The following ZC3H12B variants were observed in gnomAD, a reference collection of about 807,000 sequenced individuals.
ZC3H12B encodes the protein zinc finger CCCH-type containing 12B.
A neutral mutation model predicts 43.9 loss-of-function variants in ZC3H12B; 7 were observed. The ratio of observed to expected loss-of-function variants is 0.16; its 90% confidence interval spans 0.09 to 0.30. ZC3H12B has a LOEUF of 0.30. ZC3H12B is among the 10% of genes least tolerant of loss of function. ZC3H12B has a pLI of 1.00. For synonymous variants in ZC3H12B, 222 were observed against 241.7 expected, an observed-to-expected ratio of 0.92 and a Z score of 0.76; for missense variants, 475 against 670.2, an observed-to-expected ratio of 0.71 and a Z score of 3.22.
the ZC3H12B span, among the ~76,000 whole-genome samples, chrX:65,133,610 G>A: frequency 1.0e-3 from 115 of 111,424 alleles, no homozygotes; most frequent in Middle Eastern, 4.6e-3. Context: ...AGCTAGTTTC[G>A]GAAAGAAACT....
the ZC3H12B span, among the ~76,000 whole-genome samples, chrX:65,211,910 T>C: frequency 1.3e-5 from 1 of 75,216 alleles, no homozygotes; most frequent in African/African-American, 5.5e-5. Context: ...ATATATGTTA[T>C]GTATACTATA....
At chrX:65,372,763 C>T (rs987855064) in intron 2 of ZC3H12B, among the ~76,000 whole-genome samples, 1 of 112,060 alleles carries the variant, frequency 8.9e-6, no homozygotes, top group African/African-American at 3.2e-5. Flanking sequence ...GTTTGGAGAA[C>T]TAGATAACCT....
chrX:65,290,311 A>G, the ZC3H12B span, among the ~76,000 whole-genome samples: 1 of 111,209 alleles, frequency 9.0e-6, no homozygotes, highest in Non-Finnish European at 1.9e-5. Context: ...GTGGCTATTT[A>G]AAAAAACACA....
At chrX:65,350,460 T>C in the ZC3H12B span, among the ~76,000 whole-genome samples, 1 of 111,595 alleles carries the variant, frequency 9.0e-6, no homozygotes, top group Admixed American at 9.6e-5. Context: ...CAACACAGTA[T>C]TTGCAGGTCT....
chrX:65,389,358 G>A (rs766019482), intron 2 of ZC3H12B, among the ~76,000 whole-genome samples: 4 of 112,237 alleles, frequency 3.6e-5, no homozygotes, highest in South Asian at 7.4e-4. Context: ...CCCCAGCCTC[G>A]CTGCCACCTT....
In ZC3H12B at chrX:65,379,854, T is replaced by A. The variant is rs145117927; in HGVS notation, n.295+10856T>A. Among the ~76,000 whole-genome samples the A allele has an allele frequency of 5.3e-4, 59 of 111,637 alleles. No homozygotes were observed. In the East Asian group the frequency reaches 0.015, roughly 28 times the overall value. On this transcript the variant is annotated intron_variant and non_coding_transcript_variant, in intron 2 of 5. Coordinates refer to the ZC3H12B transcript ENST00000617377. ...ATGTGATCAACTGGAAGAAAGGGTGTCAACGATGGAAGATGAAATGAATGA... is the reference window on the plus strand; with the variant it reads ...ATGTGATCAACTGGAAGAAAGGGTGACAACGATGGAAGATGAAATGAATGA...
the ZC3H12B span, among the ~76,000 whole-genome samples, chrX:65,083,775 A>G: frequency 8.9e-6 from 1 of 112,005 alleles, no homozygotes; most frequent in African/African-American, 3.2e-5. Flanking sequence ...ATGTGGCATG[A>G]CAAAAGACCC....
At chrX:65,272,279 A>AAAAAAAAAAAC in the ZC3H12B span, 10 of 109,350 alleles carry the variant, frequency 9.1e-5, no homozygotes, top group African/African-American at 3.1e-4. Flanking sequence ...GTAAAAAAAA[A>AAAAAAAAAAAC]AAAAAACTGG....
At chrX:65,359,692 C>A in the ZC3H12B span, among the ~76,000 whole-genome samples, 1 of 112,343 alleles carries the variant, frequency 8.9e-6, no homozygotes, top group East Asian at 2.8e-4. Context: ...GCAAAGAAAG[C>A]AGTTTCTTGG....
At chrX:65,182,294 T>G in the ZC3H12B span, among the ~76,000 whole-genome samples, 1 of 110,987 alleles carries the variant, frequency 9.0e-6, no homozygotes, top group Admixed American at 9.7e-5. Context: ...GACAAATACC[T>G]AATGCATGCG....
chrX:65,137,645 C>G, the ZC3H12B span, among the ~76,000 whole-genome samples: 2 of 111,543 alleles, frequency 1.8e-5, no homozygotes, highest in Non-Finnish European at 3.8e-5. Flanking sequence ...TTTGTTTGAA[C>G]TAGATTTGTG....
chrX:65,501,936 G>T (rs1242498755), exon 5 of ZC3H12B: 1 of 1,210,922 alleles, frequency 8.3e-7, no homozygotes, highest in Admixed American at 2.2e-5. Context: ...GCCAAGTGTG[G>T]CACAGGGATG....
chrX:65,483,166 T>A (rs1168901974), intron 3 of ZC3H12B, among the ~76,000 whole-genome samples: 1 of 111,845 alleles, frequency 8.9e-6, no homozygotes, highest in East Asian at 2.8e-4. Context: ...TAAAACCAGA[T>A]AGGCTGACAA....
At chrX:65,355,819 G>C in the ZC3H12B span, among the ~76,000 whole-genome samples, 1 of 111,176 alleles carries the variant, frequency 9.0e-6, no homozygotes, top group African/African-American at 3.3e-5. Flanking sequence ...GCCAGATGTA[G>C]TGGTAGGTGC....
chrX:65,497,284 A>G lies in ZC3H12B; in HGVS notation c.748+13A>G. ...GCACCAATTACAGGTATTGTGTCAA[A>G]TAAGACATTTCTTCTCATCTAGAGG... On this transcript the variant is annotated intron_variant, in intron 2 of 4. Coordinates refer to ENST00000338957, the Ensembl canonical transcript of ZC3H12B. The G allele has an allele frequency of 8.4e-7, 1 of 1,193,051 alleles. No individual in the cohort carries two copies. Among genetic ancestry groups the G allele is most frequent in the Non-Finnish European group, 1.1e-6 (1 of 886,040 alleles).
At chrX:65,319,306 C>T in the ZC3H12B span, among the ~76,000 whole-genome samples, 3 of 111,854 alleles carry the variant, frequency 2.7e-5, no homozygotes, top group African/African-American at 9.7e-5. Context: ...ACCCTATGCA[C>T]ACCAACTAGA....
At chrX:65,269,218 G>C in the ZC3H12B span, among the ~76,000 whole-genome samples, 1 of 109,899 alleles carries the variant, frequency 9.1e-6, no homozygotes, top group African/African-American at 3.3e-5. Flanking sequence ...GGTGGTAAAC[G>C]CCTGTAGTCC....
chrX:65,460,389 C>T (rs1049029309), intron 3 of ZC3H12B, among the ~76,000 whole-genome samples: 3 of 111,944 alleles, frequency 2.7e-5, no homozygotes, highest in African/African-American at 9.7e-5. Context: ...AAAAAACAGC[C>T]TGCATTGCCA....
the ZC3H12B span, among the ~76,000 whole-genome samples, chrX:65,153,175 A>G: frequency 8.9e-6 from 1 of 112,288 alleles, no homozygotes; most frequent in South Asian, 3.7e-4. Context: ...AGGCATGGGC[A>G]AGGACTTAAT....
Sources: allele counts gnomAD v4.1 joint callset (sites outside exome capture counted in the v4.1 genomes callset), GRCh38; gene constraint gnomAD v4.1.1; transcripts MANE v1.5; gene names NCBI Gene and HGNC (gene_info 2026-07-23, HGNC 2026-07-21).